GNAI3: variants seen among roughly 807,000 people sequenced by gnomAD.
GNAI3 encodes the protein guanine nucleotide-binding protein G(i) subunit alpha-3.
GNAI3 carries 12 observed loss-of-function variants against 41.8 expected under a neutral mutation model. The ratio of observed to expected loss-of-function variants is 0.29; its 90% CI spans 0.18 to 0.47. The LOEUF (loss-of-function observed/expected upper bound fraction) is 0.47, where lower values mean the gene tolerates loss of function less well. Among genes scored for constraint, GNAI3 ranks in the 20% least tolerant of loss-of-function variants. GNAI3 has a pLI of 1.00. For missense variants in GNAI3, 360 were observed against 429.6 expected (o/e 0.84, Z 1.43); for synonymous variants, 132 against 146.5 (o/e 0.90, Z 0.71).
chr1:109,548,704 C>T lies in GNAI3; in HGVS notation c.-17C>T. 1 of 1,580,800 alleles carries T rather than the reference C, an allele frequency of 6.3e-7. No homozygotes were observed. Among genetic ancestry groups the T allele is most frequent in the Non-Finnish European group, 8.7e-7 (1 of 1,151,082 alleles). On this transcript the variant is annotated 5_prime_UTR_variant, in exon 1 of 9. Transcript: ENST00000369851. The stretch of plus-strand genomic sequence containing the variant: ...TGTGAGTGAGTCCGGGCCCGTGTCC[C>T]CTCTCCCGCCGCCGCCATGGGCTGC...
chr1:109,553,398 G>C (rs1251840069), intron 1 of GNAI3, among the ~76,000 whole-genome samples: 1 of 152,152 alleles, frequency 6.6e-6, no homozygotes, highest in African/African-American at 2.4e-5. Context: ...CAAAAAGCCA[G>C]TTGCATGCAG....
At chr1:109,549,640 T>C (rs981441347) in intron 1 of GNAI3, among the ~76,000 whole-genome samples, 2 of 152,214 alleles carry the variant, frequency 1.3e-5, no homozygotes, top group African/African-American at 4.8e-5. Context: ...TGGAGGATGC[T>C]GAATAGTTGC....
At chr1:109,554,092 G>A (rs1378367066) in intron 1 of GNAI3, among the ~76,000 whole-genome samples, 2 of 152,008 alleles carry the variant, frequency 1.3e-5, no homozygotes, top group Non-Finnish European at 2.9e-5. Flanking sequence ...GTGTGTGTGT[G>A]TGTGTGTGTA....
chr1:109,586,230 G>C lies in GNAI3; in HGVS notation c.605G>C (p.Gly202Ala). The part of the protein sequence containing the change: ...KDLYFKMFDV[G>A]GQRSERKKWI... ...CCCTTGCGCAGGATGTTTGATGTAG[G>C]TGGCCAAAGATCAGAACGAAAAAAG... is the stretch of plus-strand genomic sequence containing the variant. Residue 202 changes from glycine (G) to alanine (A), a missense_variant, in exon 6 of 9, where the codon GGT becomes GCT. Physicochemically the swap from Gly to Ala is moderately conservative, Grantham distance 60. Coordinates refer to ENST00000369851, the MANE Select transcript of GNAI3 (RefSeq NM_006496.4). 1 of 1,613,292 alleles carries C rather than the reference G, an allele frequency of 6.2e-7. No individual in the cohort carries two copies. The highest frequency in any genetic ancestry group is 8.5e-7 in the Non-Finnish European group (1 of 1,179,528).
intron 1 of GNAI3, among the ~76,000 whole-genome samples, chr1:109,570,834 T>C (rs1291548482): frequency 1.3e-5 from 2 of 152,144 alleles, no homozygotes; most frequent in Non-Finnish European, 2.9e-5. Context: ...TAATTGAAGA[T>C]CGTGTGACAA....
chr1:109,565,250 C>CAAAAAAAA (rs527332111), intron 1 of GNAI3, among the ~76,000 whole-genome samples: 1 of 81,260 alleles, frequency 1.2e-5, no homozygotes. Flanking sequence ...GACTCCGTCT[C>CAAAAAAAA]AAAAAAAAAA....
chr1:109,591,547 G>A lies in GNAI3; in HGVS notation c.875-496G>A, dbSNP rs183132270. On this transcript the variant is annotated intron_variant, in intron 7 of 8. Coordinates refer to ENST00000369851, the MANE Select transcript of GNAI3 (RefSeq NM_006496.4). ...CCAGTTGTTTTAAAAAATATGGAAC[G>A]CTTCACGAATTTGCGTGTCATCCTT... The A allele has an allele frequency of 2.3e-4, 168 of 726,422 alleles. No homozygotes were observed. In the African/African-American group the frequency reaches 2.7e-3, roughly 12 times the overall value. The allele number at this position is 726,422 out of a possible 1,614,324, so 45.0% of individuals were successfully genotyped here.
intron 1 of GNAI3, among the ~76,000 whole-genome samples, chr1:109,567,636 T>G (rs1298522961): frequency 6.6e-6 from 1 of 152,258 alleles, no homozygotes; most frequent in Non-Finnish European, 1.5e-5. Context: ...ATGAAACCAC[T>G]GCTAAATAGT....
At chr1:109,550,787 C>T (rs971254609) in intron 1 of GNAI3, among the ~76,000 whole-genome samples, 1 of 152,210 alleles carries the variant, frequency 6.6e-6, no homozygotes, top group Non-Finnish European at 1.5e-5. Context: ...CCCGCCTTGG[C>T]CTCCCAAAGT....
intron 1 of GNAI3, among the ~76,000 whole-genome samples, chr1:109,552,755 A>AT (rs1648012150): frequency 6.6e-6 from 1 of 151,544 alleles, no homozygotes; most frequent in African/African-American, 2.4e-5. Flanking sequence ...AAGCAAGAAA[A>AT]TTTTTTTTCA....
chr1:109,573,754 A>AG lies in GNAI3; in HGVS notation c.136_137insG (p.Lys46ArgfsTer13), dbSNP rs1224270476. The AG allele has an allele frequency of 6.2e-7, 1 of 1,611,938 alleles. No homozygotes were observed. On this transcript the variant is annotated frameshift_variant, in exon 2 of 9. Coordinates refer to ENST00000369851, the MANE Select transcript of GNAI3 (RefSeq NM_006496.4). LOFTEE classifies it high-confidence loss of function. Reference sequence around the variant, plus strand: ...TCTTACAGGTGCTGGAGAATCTGGTAAAAGCACCATTGTGAAACAGATGAA... The same window carrying AG: ...TCTTACAGGTGCTGGAGAATCTGGTAGAAAGCACCATTGTGAAACAGATGAA...
intron 3 of GNAI3, among the ~76,000 whole-genome samples, chr1:109,578,094 A>G (rs1402945712): frequency 6.6e-6 from 1 of 152,190 alleles, no homozygotes; most frequent in Non-Finnish European, 1.5e-5. Flanking sequence ...TGGATAGAAT[A>G]AAGGAAAACA....
At position 109,592,419 on chromosome 1, in the gene GNAI3, A is replaced by G; in HGVS notation, c.*97A>G. 1 of 474,602 alleles carries G rather than the reference A, an allele frequency of 2.1e-6. No individual in the cohort carries two copies. The highest frequency in any genetic ancestry group is 4.5e-5 in the South Asian group (1 of 22,190). The allele number at this position is 474,602 out of a possible 1,614,324, so 29.4% of individuals were successfully genotyped here. ...GGCAGCTACAAGCATGAACGGGACC[A>G]GGGAATGGCAGCAGCATGCAGAATC... On this transcript the variant is annotated 3_prime_UTR_variant, in exon 9 of 9. Transcript: ENST00000369851.
chr1:109,555,965 T>TGC (rs759790449), intron 1 of GNAI3, among the ~76,000 whole-genome samples: 39,057 of 98,844 alleles, frequency 0.4, 5,932 homozygotes, highest in Admixed American at 0.49. Flanking sequence ...CGTGCGTGCG[T>TGC]GTGTGTGTGT....
chr1:109,576,227 GCTGA>G (rs1557908465), intron 3 of GNAI3, among the ~76,000 whole-genome samples: 2 of 151,048 alleles, frequency 1.3e-5, no homozygotes, highest in East Asian at 2.0e-4. Flanking sequence ...TGCCACCACG[GCTGA>G]CTAATTTTTG....
intron 1 of GNAI3, among the ~76,000 whole-genome samples, chr1:109,555,034 A>T (rs1212232021): frequency 6.6e-6 from 1 of 152,214 alleles, no homozygotes; most frequent in Non-Finnish European, 1.5e-5. Flanking sequence ...ATCATAGATG[A>T]TACAAACAAA....
At chr1:109,570,852 T>C (rs1024153269) in intron 1 of GNAI3, among the ~76,000 whole-genome samples, 5 of 152,190 alleles carry the variant, frequency 3.3e-5, no homozygotes, top group Non-Finnish European at 7.3e-5. Flanking sequence ...CAAGATCTAA[T>C]TTACATTTTA....
chr1:109,579,156 T>G lies in GNAI3; in HGVS notation c.304-48T>G, dbSNP rs916791525. 2.0e-6 allele frequency: 3 copies of G among 1,485,376 alleles called. No homozygotes were observed. In the African/African-American group the frequency reaches 4.2e-5, roughly 21 times the overall value. The allele number at this position is 1,485,376 out of a possible 1,614,324, so 92.0% of individuals were successfully genotyped here. On this transcript the variant is annotated intron_variant, in intron 3 of 8. Coordinates refer to ENST00000369851, the MANE Select transcript of GNAI3 (RefSeq NM_006496.4). ...ATTTTAAAGAGACTGTCATCAAGTC[T>G]TAAAGAAATGGAGAGTCATCTGTCT...
chr1:109,587,400 T>C (rs1649055715), intron 7 of GNAI3, among the ~76,000 whole-genome samples: 1 of 152,204 alleles, frequency 6.6e-6, no homozygotes. Context: ...AATTTTATTA[T>C]AGTGTAAAAT....
Sources: allele counts gnomAD v4.1 joint callset (sites outside exome capture counted in the v4.1 genomes callset), GRCh38; gene constraint gnomAD v4.1.1; transcripts MANE v1.5; gene names NCBI Gene and HGNC (gene_info 2026-07-23, HGNC 2026-07-21).